The following MGA variants were observed in gnomAD, a reference collection of about 807,000 sequenced individuals.
The protein encoded by MGA is MAX dimerization protein MGA, also known as MAX gene-associated protein.
Under a neutral mutation model 261.1 loss-of-function variants are expected in MGA, and 40 were observed. That is an observed-to-expected ratio of 0.15 (90% CI 0.12 to 0.20). MGA has a LOEUF of 0.20. Among genes scored for constraint, MGA ranks in the 10% least tolerant of loss-of-function variants. The pLI, the probability that MGA is intolerant of heterozygous loss-of-function variation, is 1.00. For missense variants in MGA, 3,397 were observed against 3,630.5 expected (o/e 0.94, Z 1.65); for synonymous variants, 1,302 against 1,290.6 (o/e 1.01, Z -0.19).
At chr15:41,646,558 A>G (rs2056936557) in intron 1 of MGA, among the ~76,000 whole-genome samples, 1 of 151,848 alleles carries the variant, frequency 6.6e-6, no homozygotes. Flanking sequence ...CCTGGCCTCA[A>G]GTGATCCACC....
chr15:41,640,475 T>G (rs2056798886), intron 1 of MGA, among the ~76,000 whole-genome samples: 1 of 152,242 alleles, frequency 6.6e-6, no homozygotes, highest in Non-Finnish European at 1.5e-5. Flanking sequence ...CATTTGAACC[T>G]TAGTTTTGTG....
intron 2 of MGA, among the ~76,000 whole-genome samples, chr15:41,681,268 GC>G (rs1345978642): frequency 1.3e-5 from 2 of 152,080 alleles, no homozygotes; most frequent in South Asian, 2.1e-4. Flanking sequence ...TGTGGTATTT[GC>G]CTCTGTCTAG....
intron 12 of MGA, 105 bp downstream of exon 12, chr15:41,734,699 T>A: frequency 1.1e-6 from 1 of 874,666 alleles, no homozygotes; most frequent in Non-Finnish European, 1.7e-6. Flanking sequence ...TATGTCTGCC[T>A]ACCCTGTTTC....
chr15:41,678,173 C>T (rs1465449455), intron 2 of MGA, among the ~76,000 whole-genome samples: 1 of 151,348 alleles, frequency 6.6e-6, no homozygotes, highest in African/African-American at 2.4e-5. Context: ...TCACTGCAAC[C>T]TGTGCCTCCC....
At chr15:41,665,129 G>A (rs8039440) in intron 1 of MGA, among the ~76,000 whole-genome samples, 107,748 of 152,046 alleles carry the variant, frequency 0.71, 40,276 homozygotes, top group East Asian at 0.89. Context: ...TTTAAGCTTT[G>A]GAGCTGTATG....
intron 7 of MGA, 54 bp from the exon 8 acceptor site, chr15:41,710,637 A>T: frequency 6.8e-7 from 1 of 1,470,616 alleles, no homozygotes; most frequent in South Asian, 1.4e-5. Flanking sequence ...TTTTATGGAG[A>T]TTCATAAATC....
chr15:41,636,925 A>G (rs2056721895), intron 1 of MGA, among the ~76,000 whole-genome samples: 1 of 152,154 alleles, frequency 6.6e-6, no homozygotes, highest in African/African-American at 2.4e-5. Flanking sequence ...ACCAGTCCCC[A>G]TAAATAATGA....
intron 1 of MGA, among the ~76,000 whole-genome samples, chr15:41,635,436 G>A (rs768946205): frequency 1.8e-4 from 27 of 152,202 alleles, no homozygotes; most frequent in Non-Finnish European, 3.5e-4. Flanking sequence ...AAGGCTGGGC[G>A]CGGTGGCTCA....
At chr15:41,752,946 T>A (rs1006190905) in intron 17 of MGA, among the ~76,000 whole-genome samples, 1 of 152,202 alleles carries the variant, frequency 6.6e-6, no homozygotes, top group Admixed American at 6.5e-5. Flanking sequence ...ACTTTTTTTT[T>A]AAAGGTCATA....
chr15:41,730,305 G>C (rs1335870415), intron 11 of MGA, among the ~76,000 whole-genome samples: 21 of 152,148 alleles, frequency 1.4e-4, no homozygotes, highest in African/African-American at 7.2e-5. Context: ...CGGGTGTGGT[G>C]GTGGGCCCCT....
intron 1 of MGA, among the ~76,000 whole-genome samples, chr15:41,631,341 C>G (rs147748035): frequency 1.3e-5 from 2 of 152,146 alleles, no homozygotes; most frequent in African/African-American, 4.8e-5. Flanking sequence ...GAAGAGTTCT[C>G]TGTCACAATG....
intron 1 of MGA, among the ~76,000 whole-genome samples, chr15:41,637,768 A>G (rs1041694865): frequency 3.2e-4 from 49 of 151,654 alleles, no homozygotes; most frequent in African/African-American, 1.1e-3. Context: ...TTTTTGAGGC[A>G]GAGTCTTGTT....
Position 41,749,334 on chromosome 15 carries a change from A to T in MGA, c.5727A>T (p.Pro1909=). 1 of 1,614,010 alleles carries T rather than the reference A, an allele frequency of 6.2e-7. No individual in the cohort carries two copies. The highest frequency in any genetic ancestry group is 8.5e-7 in the Non-Finnish European group (1 of 1,179,890). The change falls in exon 17 of 24, where the codon CCA becomes CCT. Residue 1909 remains proline, a synonymous_variant. Coordinates refer to ENST00000219905, the MANE Select transcript of MGA (RefSeq NM_001164273.2). ...CCCTGAGGATTTCTCCTCCTGAACC[A>T]CAAAGCTTTGCAAGTAAAACAGGCT...
At chr15:41,706,126 A>G (rs1358652542) in intron 5 of MGA, among the ~76,000 whole-genome samples, 2 of 151,874 alleles carry the variant, frequency 1.3e-5, no homozygotes, top group African/African-American at 4.8e-5. Context: ...AATCCCAGCT[A>G]CTTGGGAGGC....
chr15:41,649,683 G>A (rs760723943), intron 1 of MGA, among the ~76,000 whole-genome samples: 25 of 151,926 alleles, frequency 1.6e-4, no homozygotes, highest in Admixed American at 7.2e-4. Context: ...TTGTTTGTTT[G>A]TTTGTTTGTT....
rs35806439 is a variant in MGA at position 41,649,379 on chromosome 15, C to CA, written c.-67-19434dup. 1.2e-3 allele frequency among the ~76,000 whole-genome samples: 160 copies of CA among 136,200 alleles called. 1 individual carries two copies. The highest frequency in any genetic ancestry group is 2.2e-3 in the African/African-American group (80 of 36,446). The allele number at this position is 136,200 out of a possible 152,430, so 89.4% of individuals were successfully genotyped here. On this transcript the variant is annotated intron_variant, in intron 1 of 8. Transcript: ENST00000566718. ...CCTGGACAACAGAGTGAGACTGTCT[C>CA]AAAAAAAAAAAAAAAGGACATATAG...
chr15:41,748,658 T>C lies in MGA; in HGVS notation c.5234T>C (p.Val1745Ala). 5 of 1,611,484 alleles carry C rather than the reference T, an allele frequency of 3.1e-6. No individual in the cohort carries two copies. The highest frequency in any genetic ancestry group is 4.2e-6 in the Non-Finnish European group (5 of 1,178,296). The change falls in exon 16 of 24, where the codon GTG becomes GCG. Residue 1745 changes from valine (V) to alanine (A), a missense_variant. Val to Ala is a moderately conservative substitution (Grantham distance 64, BLOSUM62 0). Transcript: ENST00000219905. ...TCAGAAAATGCTGCTCAAATTCCAG[T>C]GGCTACTCCACAGGTCTCTCCTAAC...
At position 41,669,416 on chromosome 15, in the gene MGA, A is replaced by G. The variant is rs753792029; in HGVS notation, c.522A>G (p.Val174=). The stretch of plus-strand genomic sequence containing the variant: ...GTCATTATTGGATGCATCAACCAGT[A>G]TCTTTCTATAAACTCAAACTTACCA... Residue 174 remains valine (V), a synonymous_variant, in exon 2 of 24, where the codon GTA becomes GTG. Coordinates refer to ENST00000219905, the MANE Select transcript of MGA (RefSeq NM_001164273.2). 1.4e-5 allele frequency: 23 copies of G among 1,613,846 alleles called. No individual in the cohort carries two copies. Among genetic ancestry groups the G allele is most frequent in the African/African-American group, 2.7e-5 (2 of 74,902 alleles).
At chr15:41,624,318 G>A (rs924800314) in intron 1 of MGA, among the ~76,000 whole-genome samples, 1 of 151,948 alleles carries the variant, frequency 6.6e-6, no homozygotes, top group Non-Finnish European at 1.5e-5. Context: ...TGCGATCTCA[G>A]CTCACTGCAA....
Sources: allele counts gnomAD v4.1 joint callset (sites outside exome capture counted in the v4.1 genomes callset), GRCh38; gene constraint gnomAD v4.1.1; transcripts MANE v1.5; gene names NCBI Gene and HGNC (gene_info 2026-07-23, HGNC 2026-07-21).